FAM13A: variants seen among roughly 807,000 people sequenced by gnomAD.
FAM13A encodes family with sequence similarity 13 member A.
In FAM13A, 76 loss-of-function variants were observed where a neutral mutation model predicts 129.6. That is an observed-to-expected ratio of 0.59 (90% CI 0.49 to 0.71). The LOEUF (loss-of-function observed/expected upper bound fraction) is 0.71. Among genes scored for constraint, FAM13A ranks in the 30% least tolerant of loss-of-function variants. The pLI is 0.00. For synonymous variants in FAM13A, 443 were observed against 449.9 expected, an observed-to-expected ratio of 0.98 and a Z score of 0.20; for missense variants, 1,108 against 1,249.3, an observed-to-expected ratio of 0.89 and a Z score of 1.70.
intron 1 of FAM13A, among the ~76,000 whole-genome samples, chr4:89,051,215 A>G (rs1305168455): frequency 1.3e-5 from 2 of 152,206 alleles, no homozygotes; most frequent in African/African-American, 2.4e-5. Context: ...TCCAAGATCC[A>G]AGACACCTAC....
intron 20 of FAM13A, among the ~76,000 whole-genome samples, chr4:88,738,222 T>C (rs1245137981): frequency 1.3e-5 from 2 of 152,168 alleles, no homozygotes; most frequent in South Asian, 2.1e-4. Context: ...AAAATGAGTA[T>C]GTATTGCAAC....
At chr4:88,964,853 C>T (rs1018245455) in intron 4 of FAM13A, among the ~76,000 whole-genome samples, 1 of 152,120 alleles carries the variant, frequency 6.6e-6, no homozygotes, top group African/African-American at 2.4e-5. Flanking sequence ...GTCTCGAACT[C>T]CTGACCTCAA....
At chr4:88,853,361 CT>C (rs1737944161) in intron 6 of FAM13A, among the ~76,000 whole-genome samples, 2 of 152,048 alleles carry the variant, frequency 1.3e-5, no homozygotes, top group Admixed American at 1.3e-4. Context: ...AAAATCTACT[CT>C]TTTAGCAATT....
chr4:88,922,577 T>C (rs1325097952), intron 5 of FAM13A, among the ~76,000 whole-genome samples: 2 of 151,874 alleles, frequency 1.3e-5, no homozygotes, highest in African/African-American at 2.4e-5. Context: ...TTTATAGCAC[T>C]AAATGCCCAT....
At chr4:88,765,539 G>A (rs1335129531) in intron 13 of FAM13A, among the ~76,000 whole-genome samples, 2 of 152,186 alleles carry the variant, frequency 1.3e-5, no homozygotes, top group Non-Finnish European at 2.9e-5. Flanking sequence ...ATTGGGTGGT[G>A]TAAGTTTTAG....
At chr4:88,886,644 C>A (rs898831317) in intron 6 of FAM13A, among the ~76,000 whole-genome samples, 88 of 151,204 alleles carry the variant, frequency 5.8e-4, no homozygotes, top group African/African-American at 1.9e-3. Context: ...CAGTGGCTCA[C>A]GCCTATAATC....
At chr4:89,050,698 CG>C (rs1771477978) in intron 1 of FAM13A, among the ~76,000 whole-genome samples, 1 of 151,652 alleles carries the variant, frequency 6.6e-6, no homozygotes, top group African/African-American at 2.4e-5. Flanking sequence ...GAGGCCAAGG[CG>C]GGTGGATCAC....
At chr4:89,043,441 A>G (rs1579909087) in intron 1 of FAM13A, among the ~76,000 whole-genome samples, 1 of 152,052 alleles carries the variant, frequency 6.6e-6, no homozygotes, top group Middle Eastern at 3.2e-3. Flanking sequence ...TAGAGGGGGG[A>G]ATCTCCTGAG....
At chr4:88,893,270 G>A (rs1177282514) in intron 6 of FAM13A, among the ~76,000 whole-genome samples, 1 of 152,164 alleles carries the variant, frequency 6.6e-6, no homozygotes, top group Non-Finnish European at 1.5e-5. Context: ...GGTTGACAGG[G>A]GGCTCTGCTC....
At chr4:88,920,822 A>G (rs554023774) in intron 5 of FAM13A, among the ~76,000 whole-genome samples, 1 of 152,322 alleles carries the variant, frequency 6.6e-6, no homozygotes, top group South Asian at 2.1e-4. Flanking sequence ...AGACGAATGT[A>G]TAACTAGAAT....
chr4:88,953,222 A>C (rs549537638), intron 4 of FAM13A, among the ~76,000 whole-genome samples: 1 of 152,016 alleles, frequency 6.6e-6, no homozygotes, highest in South Asian at 2.1e-4. Context: ...TGGGAAACCG[A>C]GGCGGGCAGA....
intron 1 of FAM13A, among the ~76,000 whole-genome samples, chr4:89,053,580 T>G (rs1390207432): frequency 6.6e-6 from 1 of 152,022 alleles, no homozygotes; most frequent in Non-Finnish European, 1.5e-5. Context: ...GCGGTAAGAC[T>G]ACAGAAGCAG....
intron 6 of FAM13A, among the ~76,000 whole-genome samples, chr4:88,895,920 G>A (rs1438679625): frequency 6.7e-6 from 1 of 148,710 alleles, no homozygotes; most frequent in Non-Finnish European, 1.5e-5. Flanking sequence ...GCATTACTGG[G>A]TATATACCCA....
intron 4 of FAM13A, among the ~76,000 whole-genome samples, chr4:88,983,337 A>G (rs1761871722): frequency 6.6e-6 from 1 of 152,176 alleles, no homozygotes; most frequent in Admixed American, 6.5e-5. Context: ...AATAAACAAA[A>G]TAAGTATTCA....
chr4:88,993,142 G>A (rs1763123534), intron 3 of FAM13A, among the ~76,000 whole-genome samples: 1 of 152,136 alleles, frequency 6.6e-6, no homozygotes, highest in Non-Finnish European at 1.5e-5. Flanking sequence ...TGTGACCTAC[G>A]TTGTGTTGTT....
At chr4:89,048,840 C>CA (rs1445122349) in intron 1 of FAM13A, among the ~76,000 whole-genome samples, 1 of 152,122 alleles carries the variant, frequency 6.6e-6, no homozygotes, top group Non-Finnish European at 1.5e-5. Flanking sequence ...AGCACAGAAA[C>CA]ATTTGTACAC....
rs1193754358 is a variant in FAM13A, at chr4:88,726,074, G to GA, written c.*2458dup. ...AACACATATTCCCAACACAGCAAAG[G>GA]AAAAATCCCAGTCCAGAGCATTTTG... On this transcript the variant is annotated 3_prime_UTR_variant, in exon 24 of 24. Transcript: ENST00000264344. 1.3e-5 allele frequency: 2 copies of GA among 152,152 alleles called. No individual in the cohort carries two copies. Among genetic ancestry groups the GA allele is most frequent in the Non-Finnish European group, 2.9e-5 (2 of 68,026 alleles). The allele number at this position is 152,152 out of a possible 1,614,324, so 9.4% of individuals were successfully genotyped here.
intron 14 of FAM13A, among the ~76,000 whole-genome samples, 198 bp downstream of exon 14, chr4:88,758,556 G>A (rs971033122): frequency 1.3e-5 from 2 of 152,060 alleles, no homozygotes; most frequent in Non-Finnish European, 2.9e-5. Flanking sequence ...TTCTTTCTTA[G>A]ATTGCAACTG....
chr4:88,972,058 T>C (rs1348216213), intron 4 of FAM13A, among the ~76,000 whole-genome samples: 3 of 152,118 alleles, frequency 2.0e-5, no homozygotes, highest in African/African-American at 7.2e-5. Context: ...ATATACATAA[T>C]TAAATATATT....
Sources: gnomAD v4.1 joint callset for allele counts (sites outside exome capture counted in the v4.1 genomes callset) on GRCh38, gnomAD v4.1.1 for gene constraint, MANE v1.5 for transcripts, NCBI Gene and HGNC (gene_info 2026-07-23, HGNC 2026-07-21) for gene names.